Variants in STIL observed in about 807,000 individuals in gnomAD.
STIL encodes the protein SCL-interrupting locus protein.
A neutral mutation model predicts 110.1 loss-of-function variants in STIL; 55 were observed. That is an observed-to-expected ratio of 0.50 (90% CI 0.40 to 0.63). The LOEUF is 0.63. STIL is among the 20% of genes least tolerant of loss of function. The pLI is 0.00. For missense variants in STIL, 1,358 were observed against 1,530.0 expected, an observed-to-expected ratio of 0.89 and a Z score of 1.87; for synonymous variants, 481 against 530.0, an observed-to-expected ratio of 0.91 and a Z score of 1.27.
At chr1:47,314,463 C>A (rs1646229854), upstream of STIL, among the ~76,000 whole-genome samples, 1 of 152,274 alleles carries the variant, frequency 6.6e-6, no homozygotes, top group Non-Finnish European at 1.5e-5. Flanking sequence ...GCTAGGTAGA[C>A]GGAGGAGCGA....
chr1:47,273,575 T>A (rs1194992492), intron 12 of STIL, among the ~76,000 whole-genome samples: 1 of 152,242 alleles, frequency 6.6e-6, no homozygotes, highest in East Asian at 1.9e-4. Context: ...TATGGATATA[T>A]CACATTGTGC....
upstream of STIL, among the ~76,000 whole-genome samples, chr1:47,314,867 G>GGC (rs1284531672): frequency 6.6e-6 from 1 of 151,244 alleles, no homozygotes; most frequent in Non-Finnish European, 1.5e-5. Flanking sequence ...TGGTATTACA[G>GGC]GCGTCCACCA....
At chr1:47,277,722 T>C (rs945809781) in intron 12 of STIL, among the ~76,000 whole-genome samples, 1 of 152,052 alleles carries the variant, frequency 6.6e-6, no homozygotes, top group Non-Finnish European at 1.5e-5. Context: ...AGTGAAATAA[T>C]AGTAATAGTT....
At chr1:47,274,592 C>T (rs910032186) in intron 12 of STIL, among the ~76,000 whole-genome samples, 2 of 146,404 alleles carry the variant, frequency 1.4e-5, no homozygotes, top group South Asian at 2.3e-4. Flanking sequence ...GCTGGGATTA[C>T]AGGCGTGAGC....
At chr1:47,267,579 C>T (rs1343271146) in intron 14 of STIL, among the ~76,000 whole-genome samples, 1 of 150,504 alleles carries the variant, frequency 6.6e-6, no homozygotes, top group Non-Finnish European at 1.5e-5. Context: ...GTGGCCCGTG[C>T]CTGTAGTCCC....
In STIL at chr1:47,280,556, A is replaced by G. The variant is rs1645128489; in HGVS notation, c.1902T>C (p.Ser634=). ...ATAATGAATGCTTTTGAAGGGCTTC[A>G]GACTGGACATCTTGAATGGATCCAA... ...NTVGSIQDVQ[S]EALQKHSLFH... is the part of the protein sequence containing the mutation. Residue 634 remains serine, a synonymous_variant, in exon 12 of 17, where the codon TCT becomes TCC. Coordinates refer to ENST00000371877, the MANE Select transcript of STIL (RefSeq NM_001048166.1). 1 of 1,614,146 alleles carries G rather than the reference A, an allele frequency of 6.2e-7. No homozygotes were observed. The highest frequency in any genetic ancestry group is 8.5e-7 in the Non-Finnish European group (1 of 1,180,056).
intron 11 of STIL, among the ~76,000 whole-genome samples, chr1:47,281,464 T>TG (rs1480417059): frequency 6.6e-6 from 1 of 152,202 alleles, no homozygotes; most frequent in African/African-American, 2.4e-5. Flanking sequence ...TATTTAATAA[T>TG]GGAACTCTTT....
rs1040781456 is a variant in STIL, at chr1:47,302,333, C to A, written c.166G>T (p.Val56Leu). The part of the protein sequence containing the change: ...HLSYYRNPKL[V>L]VTEKTIRLAY... ...AGTCGGATGGTCTTCTCAGTCACCA[C>A]AAGCTTTGGATTTCTGAAAAACAAC... The change falls in exon 4 of 17, where the codon GTG becomes TTG. Residue 56 changes from valine to leucine, a missense_variant. Physicochemically the swap from Val to Leu is conservative, Grantham distance 32 (BLOSUM62 1). Coordinates refer to ENST00000371877, the MANE Select transcript of STIL (RefSeq NM_001048166.1). 3.7e-6 allele frequency: 6 copies of A among 1,613,852 alleles called. No homozygotes were observed. The Admixed American group carries it at 6.7e-5, about 18-fold the overall frequency.
At chr1:47,297,173 C>G (rs1338784492) in intron 6 of STIL, among the ~76,000 whole-genome samples, 1 of 151,978 alleles carries the variant, frequency 6.6e-6, no homozygotes, top group Admixed American at 6.6e-5. Context: ...GAAACCCCAT[C>G]TCTACTAAAA....
rs1644157116 is a variant in STIL, at chr1:47,250,553, C to T, written c.*583G>A. On this transcript the variant is annotated 3_prime_UTR_variant, in exon 17 of 17. Coordinates refer to ENST00000371877, the MANE Select transcript of STIL (RefSeq NM_001048166.1). ...TATACAGTATAGCTGGGCGCAGTGG[C>T]TCACGCCTGTAATCCCAGCACTTTA... 1 of 159,888 alleles carries T rather than the reference C, an allele frequency of 6.3e-6. No homozygotes were observed. The highest frequency in any genetic ancestry group is 6.4e-5 in the Admixed American group (1 of 15,552). The allele number at this position is 159,888 out of a possible 1,614,324, so 9.9% of individuals were successfully genotyped here.
At position 47,260,308 on chromosome 1, in the gene STIL, G is replaced by C; in HGVS notation, c.3061C>G (p.His1021Asp). Residue 1021 changes from histidine (H) to aspartate (D), a missense_variant, in exon 16 of 17, where the codon CAT (histidine) becomes GAT (aspartate). Transcript: ENST00000371877. ...AGTTACCTGGCGTGATCCACGTTAT[G>C]TGCATTTTTCTTCACTTTAGTGGGA... ...DSPTKVKKNAHNVDHASVLAC... is the reference protein window; with the variant it reads ...DSPTKVKKNADNVDHASVLAC... 2 of 1,613,986 alleles carry C rather than the reference G, an allele frequency of 1.2e-6. No homozygotes were observed. Among genetic ancestry groups the C allele is most frequent in the Non-Finnish European group, 1.7e-6 (2 of 1,179,972 alleles).
rs142574808 is a variant in STIL at position 47,289,479 on chromosome 1, G to A, written c.979C>T (p.Arg327Trp). The part of the protein sequence containing the change: ...FPCDGKIPDF[R>W]FQLLTSKETL... ...TCCTTACTGGTTAGCAACTGAAACC[G>A]AAAGTCAGGTATCTTGCCATCACAA... The change falls in exon 9 of 17, where the codon CGG becomes TGG. Residue 327 changes from arginine (R) to tryptophan (W), a missense_variant. By Grantham distance (101) the Arg-to-Trp change is moderately radical (BLOSUM62 -3). Coordinates refer to ENST00000371877, the MANE Select transcript of STIL (RefSeq NM_001048166.1). 1.4e-5 allele frequency: 22 copies of A among 1,613,858 alleles called. No homozygotes were observed. The highest frequency in any genetic ancestry group is 4.5e-5 in the East Asian group (2 of 44,846).
At chr1:47,259,029 C>T (rs1404412309) in intron 16 of STIL, among the ~76,000 whole-genome samples, 1 of 103,078 alleles carries the variant, frequency 9.7e-6, no homozygotes, top group Non-Finnish European at 1.8e-5. Flanking sequence ...CTTTGCTATC[C>T]AAGCTGGAGT....
intron 14 of STIL, among the ~76,000 whole-genome samples, chr1:47,268,816 A>G (rs1171188188): frequency 1.3e-5 from 2 of 150,846 alleles, no homozygotes; most frequent in East Asian, 3.9e-4. Flanking sequence ...TTTCTCCGCC[A>G]GGTGTGGTGG....
chr1:47,297,754 G>T (rs1263154500), intron 6 of STIL, among the ~76,000 whole-genome samples: 1 of 151,916 alleles, frequency 6.6e-6, no homozygotes, highest in Non-Finnish European at 1.5e-5. Context: ...TACCTGGCAT[G>T]GCAAATGTCA....
In STIL at chr1:47,260,338, C is replaced by T; in HGVS notation, c.3031G>A (p.Asp1011Asn). Residue 1011 changes from aspartate to asparagine, a missense_variant, in exon 16 of 17, where the codon GAT becomes AAT. Asp to Asn is a conservative substitution (Grantham distance 23). Transcript: ENST00000371877. ...KQLRSLGVKI[D>N]SPTKVKKNAH... Reference sequence around the variant, plus strand: ...TTTTTCTTCACTTTAGTGGGAGAATCAATTTTTACTCCAAGGCTTCTTAGT... The same window carrying T: ...TTTTTCTTCACTTTAGTGGGAGAATTAATTTTTACTCCAAGGCTTCTTAGT... The T allele has an allele frequency of 6.2e-7, 1 of 1,614,092 alleles. No homozygotes were observed. Among genetic ancestry groups the T allele is most frequent in the Non-Finnish European group, 8.5e-7 (1 of 1,180,014 alleles).
upstream of STIL, among the ~76,000 whole-genome samples, chr1:47,314,417 C>T (rs1321270054): frequency 6.6e-6 from 1 of 152,274 alleles, no homozygotes; most frequent in Non-Finnish European, 1.5e-5. Flanking sequence ...AGTTCCGGGG[C>T]GGGGTAGGCT....
chr1:47,305,891 G>A (rs983589824), intron 2 of STIL, among the ~76,000 whole-genome samples: 4 of 151,050 alleles, frequency 2.6e-5, no homozygotes, highest in African/African-American at 4.9e-5. Flanking sequence ...GCCACCACAC[G>A]CAGGTAATTT....
chr1:47,263,744 GTTTTTTT>G (rs60915271), intron 14 of STIL, among the ~76,000 whole-genome samples: 5,219 of 98,250 alleles, frequency 0.053, 279 homozygotes, highest in African/African-American at 0.2. Flanking sequence ...TTCATTCCAA[GTTTTTTT>G]TTTTTTTTTT....
Sources: allele counts gnomAD v4.1 joint callset (sites outside exome capture counted in the v4.1 genomes callset), GRCh38; gene constraint gnomAD v4.1.1; transcripts MANE v1.5; gene names NCBI Gene and HGNC (gene_info 2026-07-23, HGNC 2026-07-21).